LRRC4C: variants seen among roughly 807,000 people sequenced by gnomAD.
The protein encoded by LRRC4C is leucine-rich repeat-containing protein 4C.
Under a neutral mutation model 33.6 loss-of-function variants are expected in LRRC4C, and 5 were observed. The observed-to-expected ratio is 0.15, with a 90% confidence interval of 0.08 to 0.31. The LOEUF (loss-of-function observed/expected upper bound fraction) is 0.31, where lower values mean the gene tolerates loss of function less well. Ranked by LOEUF, LRRC4C falls within the 10% of genes least tolerant of loss-of-function variation. The probability of loss-of-function intolerance (pLI) is 1.00; values close to 1 mark genes in which losing one functional copy is unlikely to be tolerated. For synonymous variants in LRRC4C, 329 were observed against 302.0 expected, an observed-to-expected ratio of 1.09 and a Z score of -0.93; for missense variants, 560 against 796.7, an observed-to-expected ratio of 0.70 and a Z score of 3.58.
At chr11:40,727,192 C>T (rs1424766886) in intron 2 of LRRC4C, among the ~76,000 whole-genome samples, 3 of 152,074 alleles carry the variant, frequency 2.0e-5, no homozygotes, top group Non-Finnish European at 4.4e-5. Context: ...GTAACTAAAA[C>T]AGCATGATAT....
chr11:40,656,380 T>G (rs1943113756), intron 2 of LRRC4C, among the ~76,000 whole-genome samples: 1 of 152,010 alleles, frequency 6.6e-6, no homozygotes, highest in African/African-American at 2.4e-5. Flanking sequence ...GCAGGCTTAT[T>G]CTGCATCACT....
chr11:41,149,234 G>A lies in LRRC4C; in HGVS notation c.-495-215511C>T, dbSNP rs550023783. ...AAAATGAAGGGCTGAGGCCGGGTGC[G>A]GTGGCTCACGCCTGTAATCCCAGCA... On this transcript the variant is annotated intron_variant, in intron 1 of 6. Transcript: ENST00000528697. Among the ~76,000 whole-genome samples the A allele has an allele frequency of 8.1e-3, 1,226 of 152,158 alleles. 7 individuals are homozygous for A. Among genetic ancestry groups the A allele is most frequent in the Non-Finnish European group, 0.013 (864 of 67,988 alleles).
At chr11:40,256,355 A>T (rs1282158587) in intron 4 of LRRC4C, among the ~76,000 whole-genome samples, 2 of 152,170 alleles carry the variant, frequency 1.3e-5, no homozygotes, top group Non-Finnish European at 2.9e-5. Flanking sequence ...GGAAGTAATG[A>T]TGACAATCCT....
intron 1 of LRRC4C, among the ~76,000 whole-genome samples, chr11:41,300,019 A>T (rs1950243911): frequency 6.6e-6 from 1 of 152,152 alleles, no homozygotes; most frequent in Admixed American, 6.5e-5. Context: ...CAGTCATTAG[A>T]GCAGCTTGTA....
intron 1 of LRRC4C, among the ~76,000 whole-genome samples, chr11:41,342,529 A>T (rs1951674668): frequency 6.6e-6 from 1 of 152,150 alleles, no homozygotes; most frequent in South Asian, 2.1e-4. Context: ...AGCCTGATCA[A>T]CATGGCAAAA....
chr11:41,151,613 AG>A (rs1944002643), intron 1 of LRRC4C, among the ~76,000 whole-genome samples: 1 of 152,192 alleles, frequency 6.6e-6, no homozygotes, highest in Admixed American at 6.5e-5. Flanking sequence ...CAATTTGTAA[AG>A]GTTTCATAGA....
intron 2 of LRRC4C, among the ~76,000 whole-genome samples, chr11:40,847,886 G>A (rs1953270641): frequency 6.7e-6 from 1 of 149,904 alleles, no homozygotes; most frequent in East Asian, 2.0e-4. Flanking sequence ...GTGTAGTCTT[G>A]GGAGGGTGTA....
At chr11:40,792,426 A>G (rs1266828693) in intron 2 of LRRC4C, among the ~76,000 whole-genome samples, 1 of 152,172 alleles carries the variant, frequency 6.6e-6, no homozygotes, top group African/African-American at 2.4e-5. Flanking sequence ...AAATGTAAGA[A>G]TATTTTATTT....
intron 2 of LRRC4C, among the ~76,000 whole-genome samples, chr11:40,768,816 T>C (rs1480420562): frequency 6.6e-6 from 1 of 151,984 alleles, no homozygotes; most frequent in Admixed American, 6.6e-5. Flanking sequence ...TTTAAAAGAC[T>C]GGAAATGGAA....
chr11:41,020,604 C>G (rs952055518), intron 1 of LRRC4C, among the ~76,000 whole-genome samples: 1 of 152,086 alleles, frequency 6.6e-6, no homozygotes, highest in African/African-American at 2.4e-5. Flanking sequence ...AGCAGCCCCC[C>G]AAAGCTAGGA....
intron 3 of LRRC4C, among the ~76,000 whole-genome samples, chr11:40,539,210 A>C (rs1251730074): frequency 6.6e-6 from 1 of 152,206 alleles, no homozygotes; most frequent in East Asian, 1.9e-4. Flanking sequence ...TTTCACACTT[A>C]GTGTTGACTT....
At chr11:41,179,029 A>G (rs1945330362) in intron 1 of LRRC4C, among the ~76,000 whole-genome samples, 1 of 152,158 alleles carries the variant, frequency 6.6e-6, no homozygotes, top group Non-Finnish European at 1.5e-5. Context: ...ATGGTTTATA[A>G]GTAATTTGCA....
chr11:40,246,710 G>C (rs997360464), intron 4 of LRRC4C, among the ~76,000 whole-genome samples: 1 of 151,860 alleles, frequency 6.6e-6, no homozygotes, highest in African/African-American at 2.4e-5. Flanking sequence ...ATAGGTAAAA[G>C]CATATTTTTT....
chr11:41,135,788 G>C (rs1051526586), intron 1 of LRRC4C, among the ~76,000 whole-genome samples: 4 of 152,132 alleles, frequency 2.6e-5, no homozygotes, highest in Non-Finnish European at 5.9e-5. Context: ...AATACCAATA[G>C]AATGCTAATT....
At chr11:40,193,988 A>G (rs1308648885) in intron 5 of LRRC4C, among the ~76,000 whole-genome samples, 2 of 152,202 alleles carry the variant, frequency 1.3e-5, no homozygotes, top group Non-Finnish European at 2.9e-5. Flanking sequence ...TGATTGGTGT[A>G]CCTGAAAGTG....
intron 3 of LRRC4C, among the ~76,000 whole-genome samples, chr11:40,518,118 A>C (rs1435837810): frequency 6.6e-6 from 1 of 152,238 alleles, no homozygotes; most frequent in African/African-American, 2.4e-5. Context: ...CTCAAGGTGG[A>C]TTAAAGACTT....
At chr11:40,521,758 AC>A (rs1955824580) in intron 3 of LRRC4C, among the ~76,000 whole-genome samples, 1 of 152,126 alleles carries the variant, frequency 6.6e-6, no homozygotes, top group Non-Finnish European at 1.5e-5. Flanking sequence ...AGTCCCAGCT[AC>A]TTGGGAGGTT....
intron 3 of LRRC4C, among the ~76,000 whole-genome samples, chr11:40,476,192 T>C (rs1437248848): frequency 6.6e-6 from 1 of 152,114 alleles, no homozygotes; most frequent in East Asian, 1.9e-4. Context: ...TGTGCATGTG[T>C]GGGTGTACAC....
chr11:40,948,938 G>T (rs1466947797), intron 1 of LRRC4C, among the ~76,000 whole-genome samples: 1 of 151,996 alleles, frequency 6.6e-6, no homozygotes, highest in Non-Finnish European at 1.5e-5. Context: ...CTGAGGAATT[G>T]CCACACTGAC....
Sources: allele counts gnomAD v4.1 joint callset (sites outside exome capture counted in the v4.1 genomes callset), GRCh38; gene constraint gnomAD v4.1.1; transcripts MANE v1.5; gene names NCBI Gene and HGNC (gene_info 2026-07-23, HGNC 2026-07-21).